TASP1: variants seen among roughly 807,000 people sequenced by gnomAD.
The protein encoded by TASP1 is threonine aspartase 1.
TASP1 carries 16 observed loss-of-function variants against 56.6 expected under a neutral mutation model. The observed-to-expected ratio is 0.28, with a 90% CI of 0.19 to 0.43. The LOEUF (loss-of-function observed/expected upper bound fraction) is 0.43. TASP1 is among the 20% of genes least tolerant of loss of function. TASP1 has a pLI of 1.00. For synonymous variants in TASP1, 179 were observed against 184.2 expected (o/e 0.97, Z 0.23); for missense variants, 393 against 511.6 (o/e 0.77, Z 2.24).
the TASP1 span, chr20:13,117,578 A>T: frequency 6.2e-7 from 1 of 1,613,408 alleles, no homozygotes; most frequent in East Asian, 2.2e-5. Context: ...ACCTCTACAT[A>T]GATGAAGCTC....
chr20:13,515,565 A>AAAAAAAC (rs2044494323), intron 10 of TASP1, among the ~76,000 whole-genome samples: 1 of 150,614 alleles, frequency 6.6e-6, no homozygotes, highest in African/African-American at 2.4e-5. Flanking sequence ...AAAAAAAAAA[A>AAAAAAAC]AAAAAACTTG....
chr20:13,492,301 C>G (rs1600985660), intron 10 of TASP1, among the ~76,000 whole-genome samples: 1 of 152,202 alleles, frequency 6.6e-6, no homozygotes, highest in South Asian at 2.1e-4. Flanking sequence ...GGATAGATAA[C>G]TAATAAGAAA....
the TASP1 span, among the ~76,000 whole-genome samples, chr20:13,330,191 G>A: frequency 1.4e-4 from 22 of 152,068 alleles, no homozygotes; most frequent in African/African-American, 5.3e-4. Context: ...CTGACCTCAA[G>A]TGATCTACCC....
At chr20:13,279,565 C>T in the TASP1 span, 8 of 1,482,496 alleles carry the variant, frequency 5.4e-6, no homozygotes, top group African/African-American at 8.4e-5. Context: ...CTCAGACTTT[C>T]TTCCAAGGGT....
chr20:13,587,427 C>G, intron 4 of TASP1, 57 bp from the exon 5 acceptor site: 3 of 1,431,342 alleles, frequency 2.1e-6, no homozygotes, highest in Non-Finnish European at 2.8e-6. Context: ...GTATTAATGT[C>G]AGTCCTTCAT....
chr20:13,484,733 CA>C (rs34720600), intron 10 of TASP1, among the ~76,000 whole-genome samples: 6,863 of 81,114 alleles, frequency 0.085, 281 homozygotes, highest in African/African-American at 0.19. Flanking sequence ...CAAGATTTCT[CA>C]AAAAAAAAAA....
At chr20:13,484,623 C>A (rs1384826504) in intron 10 of TASP1, among the ~76,000 whole-genome samples, 4 of 150,970 alleles carry the variant, frequency 2.6e-5, no homozygotes, top group African/African-American at 9.8e-5. Context: ...TTAATCCCAG[C>A]TACTTGGGAG....
chr20:13,201,776 T>C, the TASP1 span, among the ~76,000 whole-genome samples: 21,106 of 149,354 alleles, frequency 0.14, 1,747 homozygotes, highest in East Asian at 0.29. Flanking sequence ...TTTTTTGAGA[T>C]GGAGTCTCGC....
the TASP1 span, among the ~76,000 whole-genome samples, chr20:13,131,064 C>T: frequency 2.0e-3 from 303 of 152,278 alleles, 3 homozygotes; most frequent in Non-Finnish European, 1.4e-3. Flanking sequence ...GCAGCTCAGT[C>T]GTTTTCTTAT....
the TASP1 span, among the ~76,000 whole-genome samples, chr20:13,338,968 T>A: frequency 6.6e-6 from 1 of 152,026 alleles, no homozygotes; most frequent in Admixed American, 6.6e-5. Context: ...CACATATACA[T>A]GCAATAGCCA....
the TASP1 span, among the ~76,000 whole-genome samples, chr20:13,244,805 G>A: frequency 6.6e-6 from 1 of 152,180 alleles, no homozygotes; most frequent in Non-Finnish European, 1.5e-5. Context: ...GGAAAGGTGT[G>A]TTTCACCTAA....
At chr20:13,516,295 T>C (rs1237922064) in intron 10 of TASP1, among the ~76,000 whole-genome samples, 1 of 152,128 alleles carries the variant, frequency 6.6e-6, no homozygotes, top group East Asian at 1.9e-4. Context: ...ACAAAGAAAT[T>C]GTTTTTCTCC....
At chr20:13,142,652 A>G in the TASP1 span, among the ~76,000 whole-genome samples, 1 of 152,188 alleles carries the variant, frequency 6.6e-6, no homozygotes, top group African/African-American at 2.4e-5. Context: ...GGCACAGTGT[A>G]TTCTCTGCTC....
chr20:13,116,121 C>A, the TASP1 span, among the ~76,000 whole-genome samples: 6 of 152,220 alleles, frequency 3.9e-5, no homozygotes, highest in Non-Finnish European at 8.8e-5. Context: ...ACCCAGTGAT[C>A]ATGATACTCT....
At chr20:13,564,343 C>T (rs1003390562) in intron 7 of TASP1, among the ~76,000 whole-genome samples, 1 of 151,938 alleles carries the variant, frequency 6.6e-6, no homozygotes, top group African/African-American at 2.4e-5. Context: ...ACAATAGCAT[C>T]GAAAAGTATA....
At chr20:13,605,959 G>A (rs1021030699) in intron 4 of TASP1, among the ~76,000 whole-genome samples, 3 of 151,918 alleles carry the variant, frequency 2.0e-5, no homozygotes, top group Non-Finnish European at 2.9e-5. Context: ...CTTACTCTCC[G>A]CATTCTTCTC....
the TASP1 span, among the ~76,000 whole-genome samples, chr20:13,136,632 A>C: frequency 3.4e-5 from 5 of 146,660 alleles, no homozygotes; most frequent in African/African-American, 1.2e-4. Context: ...ATACATATAA[A>C]AATTATATAC....
intron 10 of TASP1, among the ~76,000 whole-genome samples, chr20:13,492,664 G>A (rs914954472): frequency 7.2e-5 from 11 of 152,266 alleles, no homozygotes; most frequent in East Asian, 1.9e-4. Flanking sequence ...ATAGCTCACC[G>A]ACACATATTT....
chr20:13,118,493 A>C, the TASP1 span, among the ~76,000 whole-genome samples: 1 of 151,248 alleles, frequency 6.6e-6, no homozygotes, highest in Admixed American at 6.6e-5. Flanking sequence ...AGAGAAATTT[A>C]AAAGGAGGGA....
Sources: allele counts gnomAD v4.1 joint callset (sites outside exome capture counted in the v4.1 genomes callset), GRCh38; gene constraint gnomAD v4.1.1; transcripts MANE v1.5; gene names NCBI Gene and HGNC (gene_info 2026-07-23, HGNC 2026-07-21).